Variants in CAP2 observed in about 807,000 individuals in gnomAD.
The protein encoded by CAP2 is adenylyl cyclase-associated protein 2.
In CAP2, 24 loss-of-function variants were observed where a neutral mutation model predicts 57.7. That is an observed-to-expected ratio of 0.42 (90% CI 0.30 to 0.58). The LOEUF (loss-of-function observed/expected upper bound fraction) is 0.58. Ranked by LOEUF, CAP2 falls within the 20% of genes least tolerant of loss-of-function variation. The pLI, the probability that CAP2 is intolerant of heterozygous loss-of-function variation, is 0.22. For synonymous variants in CAP2, 194 were observed against 207.2 expected (o/e 0.94, Z 0.55); for missense variants, 501 against 590.3 (o/e 0.85, Z 1.57).
At chr6:17,531,944 T>C (rs1331067248) in intron 7 of CAP2, among the ~76,000 whole-genome samples, 1 of 152,104 alleles carries the variant, frequency 6.6e-6, no homozygotes, top group Non-Finnish European at 1.5e-5. Context: ...TATGAGCTTC[T>C]TAAAAAACAG....
In CAP2 at chr6:17,547,809, T is replaced by C. The variant is rs369801352; in HGVS notation, c.1210-3655T>C. Among the ~76,000 whole-genome samples the C allele has an allele frequency of 2.1e-3, 313 of 145,632 alleles. 1 individual carries two copies. The highest frequency in any genetic ancestry group is 1.0e-2 in the South Asian group (45 of 4,506). On this transcript the variant is annotated intron_variant, in intron 11 of 12. Transcript: ENST00000229922. ...TGAGCTGAGATCGCGCCACTGCACTTCAGCCTGGGCAACAGAGTGAGACTC... is the reference window on the plus strand; with the variant it reads ...TGAGCTGAGATCGCGCCACTGCACTCCAGCCTGGGCAACAGAGTGAGACTC...
At chr6:17,431,986 C>G (rs1412464875) in intron 3 of CAP2, among the ~76,000 whole-genome samples, 1 of 152,016 alleles carries the variant, frequency 6.6e-6, no homozygotes, top group African/African-American at 2.4e-5. Context: ...ACACAGAGCA[C>G]TAAAGACAAA....
intron 1 of CAP2, among the ~76,000 whole-genome samples, chr6:17,394,998 C>T (rs1017852709): frequency 4.9e-4 from 75 of 152,288 alleles, no homozygotes; most frequent in Middle Eastern, 6.8e-3. Flanking sequence ...AAGGCGACTT[C>T]TCCATGAATC....
intron 3 of CAP2, among the ~76,000 whole-genome samples, chr6:17,461,142 A>G (rs1581537940): frequency 6.6e-6 from 1 of 151,946 alleles, no homozygotes; most frequent in East Asian, 1.9e-4. Flanking sequence ...GAGTGAGACC[A>G]TGTCTCTAAA....
intron 2 of CAP2, among the ~76,000 whole-genome samples, chr6:17,422,825 T>C (rs1008752611): frequency 2.0e-5 from 3 of 152,170 alleles, no homozygotes; most frequent in African/African-American, 7.2e-5. Context: ...AAATAAAAAT[T>C]ACAAATAATT....
At chr6:17,451,162 A>G (rs1183392640) in intron 3 of CAP2, among the ~76,000 whole-genome samples, 1 of 152,084 alleles carries the variant, frequency 6.6e-6, no homozygotes, top group Non-Finnish European at 1.5e-5. Context: ...TAAGGGAGAC[A>G]GTGGTTCCAA....
intron 1 of CAP2, among the ~76,000 whole-genome samples, chr6:17,401,693 T>C (rs1758820805): frequency 6.6e-6 from 1 of 152,232 alleles, no homozygotes; most frequent in East Asian, 1.9e-4. Flanking sequence ...CAGGGTACAA[T>C]GCAGATCCAC....
chr6:17,420,799 A>G (rs1156337734), intron 1 of CAP2, among the ~76,000 whole-genome samples: 1 of 152,236 alleles, frequency 6.6e-6, no homozygotes, highest in East Asian at 1.9e-4. Context: ...TGGGCTTGTA[A>G]TAATCACTAA....
At chr6:17,433,140 A>G (rs1428647027) in intron 3 of CAP2, among the ~76,000 whole-genome samples, 1 of 152,166 alleles carries the variant, frequency 6.6e-6, no homozygotes, top group East Asian at 1.9e-4. Context: ...TCACCTTGGC[A>G]GGCACCTACT....
At chr6:17,471,071 CCAAA>C (rs1761004437) in intron 4 of CAP2, among the ~76,000 whole-genome samples, 1 of 152,134 alleles carries the variant, frequency 6.6e-6, no homozygotes, top group Non-Finnish European at 1.5e-5. Context: ...TTTTAAAATG[CCAAA>C]CAAAGTAATC....
rs772075165 is a variant in CAP2, at chr6:17,540,956, G to C, written c.827-17G>C. Reference sequence around the variant, plus strand: ...CTTTGCATAAAATAAATGTGTCCATGTGTGTTGTCCTCCTAGGGCTCCGCC... The same window carrying C: ...CTTTGCATAAAATAAATGTGTCCATCTGTGTTGTCCTCCTAGGGCTCCGCC... On this transcript the variant is annotated splice_polypyrimidine_tract_variant and intron_variant, in intron 8 of 12. Transcript: ENST00000229922. The C allele has an allele frequency of 1.2e-6, 2 of 1,608,366 alleles. No individual in the cohort carries two copies. Among genetic ancestry groups the C allele is most frequent in the Non-Finnish European group, 1.7e-6 (2 of 1,176,988 alleles).
At chr6:17,508,722 C>T (rs1762054775) in intron 6 of CAP2, among the ~76,000 whole-genome samples, 1 of 151,414 alleles carries the variant, frequency 6.6e-6, no homozygotes, top group African/African-American at 2.4e-5. Flanking sequence ...ATTAAAGAAC[C>T]TGCATTATTG....
At chr6:17,436,122 C>CTTT (rs1450149469) in intron 3 of CAP2, among the ~76,000 whole-genome samples, 1 of 149,054 alleles carries the variant, frequency 6.7e-6, no homozygotes, top group African/African-American at 2.5e-5. Flanking sequence ...TCCTTCCTTC[C>CTTT]CTCCTTCCTT....
At chr6:17,470,507 G>T (rs1760989723) in intron 4 of CAP2, among the ~76,000 whole-genome samples, 1 of 152,116 alleles carries the variant, frequency 6.6e-6, no homozygotes, top group Admixed American at 6.6e-5. Flanking sequence ...CAGTGTTTTT[G>T]GTTGCCATTC....
chr6:17,393,635 T>C lies in CAP2; in HGVS notation c.-113T>C, dbSNP rs1465477001. 2 of 152,278 alleles carry C rather than the reference T, an allele frequency of 1.3e-5. No homozygotes were observed. Among genetic ancestry groups the C allele is most frequent in the African/African-American group, 4.8e-5 (2 of 41,426 alleles). The allele number at this position is 152,278 out of a possible 1,614,324, so 9.4% of individuals were successfully genotyped here. On this transcript the variant is annotated 5_prime_UTR_variant, in exon 1 of 13. Transcript: ENST00000229922. ...CAGCGTGACTGACACCGGCTCCTAT[T>C]CAGCTGGGAGGAGGGAGAGGGGAGG...
intron 7 of CAP2, among the ~76,000 whole-genome samples, chr6:17,514,915 G>A (rs534890798): frequency 3.3e-5 from 5 of 152,106 alleles, no homozygotes; most frequent in South Asian, 4.2e-4. Flanking sequence ...AAGAAATTGC[G>A]TGATAGAGGC....
chr6:17,516,872 A>G lies in CAP2; in HGVS notation c.636+2918A>G, dbSNP rs564661085. ...CCCTTCAAGACTGATGTTTCTTTTT[A>G]TATTCTACTTCGCCTATTTTCTCCA... On this transcript the variant is annotated intron_variant, in intron 7 of 12. Coordinates refer to ENST00000229922, the MANE Select transcript of CAP2 (RefSeq NM_006366.3). 6.6e-5 allele frequency among the ~76,000 whole-genome samples: 10 copies of G among 152,296 alleles called. 1 individual carries two copies. The South Asian group carries it at 1.2e-3, about 19-fold the overall frequency.
At chr6:17,539,186 A>G in intron 7 of CAP2, 83 bp from the exon 8 acceptor site, 1 of 1,277,688 alleles carries the variant, frequency 7.8e-7, no homozygotes, top group Non-Finnish European at 1.1e-6. Context: ...TCTCATTGGC[A>G]GCAGGTTTCG....
intron 3 of CAP2, among the ~76,000 whole-genome samples, chr6:17,441,959 A>G (rs9370990): frequency 0.63 from 95,830 of 151,916 alleles, 31,365 homozygotes; most frequent in East Asian, 0.84. Context: ...CAACAATAAC[A>G]TGTAGGAATT....
Sources: gnomAD v4.1 joint callset for allele counts (sites outside exome capture counted in the v4.1 genomes callset) on GRCh38, gnomAD v4.1.1 for gene constraint, MANE v1.5 for transcripts, NCBI Gene and HGNC (gene_info 2026-07-23, HGNC 2026-07-21) for gene names.